The following MMP26 variants were observed in gnomAD, a reference collection of about 807,000 sequenced individuals.
The protein encoded by MMP26 is matrix metalloproteinase-26.
Under a neutral mutation model 31.0 loss-of-function variants are expected in MMP26, and 33 were observed. That is an observed-to-expected ratio of 1.06 (90% CI 0.81 to 1.42). The LOEUF (loss-of-function observed/expected upper bound fraction) is 1.42. Ranked by LOEUF, MMP26 falls within the 40% of genes most tolerant of loss-of-function variation. The probability of loss-of-function intolerance (pLI) is 0.00; values close to 1 mark genes in which losing one functional copy is unlikely to be tolerated. For synonymous variants in MMP26, 122 were observed against 114.9 expected, an observed-to-expected ratio of 1.06 and a Z score of -0.40; for missense variants, 347 against 316.1, an observed-to-expected ratio of 1.10 and a Z score of -0.74.
intron 1 of MMP26, among the ~76,000 whole-genome samples, chr11:4,766,039 C>G (rs567421487): frequency 6.6e-6 from 1 of 152,200 alleles, no homozygotes; most frequent in Non-Finnish European, 1.5e-5. Context: ...AATGTCCCTA[C>G]ATTGATGCAT....
At chr11:4,884,552 G>A (rs1366712412) in intron 2 of MMP26, among the ~76,000 whole-genome samples, 1 of 152,040 alleles carries the variant, frequency 6.6e-6, no homozygotes, top group Non-Finnish European at 1.5e-5. Context: ...TCATACTATG[G>A]CAGAGTCTCT....
intron 2 of MMP26, chr11:4,882,148 G>T (rs762957711): frequency 3.7e-6 from 6 of 1,613,766 alleles, no homozygotes; most frequent in South Asian, 1.1e-5. Context: ...TTCCCACTGT[G>T]CTTGGTGTTC....
intron 2 of MMP26, among the ~76,000 whole-genome samples, chr11:4,885,460 A>G (rs1366352223): frequency 6.6e-6 from 1 of 152,144 alleles, no homozygotes; most frequent in East Asian, 1.9e-4. Flanking sequence ...ACTGTATACA[A>G]AAACTAAAAC....
chr11:4,931,140 G>A (rs922019155), intron 2 of MMP26, among the ~76,000 whole-genome samples: 3 of 151,964 alleles, frequency 2.0e-5, no homozygotes, highest in Admixed American at 2.0e-4. Flanking sequence ...ATAAATGTTC[G>A]ATATCAGGAA....
At chr11:4,938,830 G>A (rs906047991) in intron 2 of MMP26, among the ~76,000 whole-genome samples, 1 of 151,856 alleles carries the variant, frequency 6.6e-6, no homozygotes, top group Non-Finnish European at 1.5e-5. Context: ...ATAATTACAT[G>A]ATCTTAGGGT....
In MMP26 at chr11:4,868,488, A is replaced by G. The variant is rs546750583; in HGVS notation, c.-145+101147A>G. On this transcript the variant is annotated intron_variant, in intron 2 of 7. Coordinates refer to ENST00000380390, the MANE Select transcript of MMP26 (RefSeq NM_021801.5). ...TCACAACTGCTTCAAAGAGAATAAA[A>G]TACCTAGGAATCCAACTTACAAGGG... 7.9e-5 allele frequency among the ~76,000 whole-genome samples: 12 copies of G among 152,322 alleles called. No homozygotes were observed. In the East Asian group the frequency reaches 2.3e-3, roughly 29 times the overall value.
At chr11:4,956,680 T>G (rs575732462) in intron 2 of MMP26, among the ~76,000 whole-genome samples, 1 of 152,304 alleles carries the variant, frequency 6.6e-6, no homozygotes, top group East Asian at 1.9e-4. Flanking sequence ...TCCTGAATCC[T>G]GGATCCATCT....
intron 2 of MMP26, among the ~76,000 whole-genome samples, chr11:4,920,871 A>C (rs1391858114): frequency 6.6e-6 from 1 of 152,254 alleles, no homozygotes; most frequent in East Asian, 1.9e-4. Context: ...ACTTTAATTC[A>C]GAAAATAAAG....
At chr11:4,792,223 T>C (rs1849037368) in intron 2 of MMP26, among the ~76,000 whole-genome samples, 1 of 150,164 alleles carries the variant, frequency 6.7e-6, no homozygotes, top group Admixed American at 6.6e-5. Context: ...TAACACAAAC[T>C]CACAGTTCAG....
At chr11:4,990,524 A>C in intron 4 of MMP26, 74 bp from the exon 5 acceptor site, 5 of 1,381,628 alleles carry the variant, frequency 3.6e-6, no homozygotes, top group Non-Finnish European at 3.9e-6. Flanking sequence ...TCCCCAAAGT[A>C]GAATTATTCA....
chr11:4,785,488 A>G (rs962299869), intron 2 of MMP26, among the ~76,000 whole-genome samples: 2 of 152,082 alleles, frequency 1.3e-5, no homozygotes, highest in Non-Finnish European at 2.9e-5. Flanking sequence ...AATTAACAGT[A>G]TTTTGTACCA....
At chr11:4,714,657 AG>A (rs1847902242) in intron 1 of MMP26, among the ~76,000 whole-genome samples, 1 of 152,204 alleles carries the variant, frequency 6.6e-6, no homozygotes, top group African/African-American at 2.4e-5. Context: ...GGCTAGCTCT[AG>A]GTGGCAGAGA....
At chr11:4,898,827 CTCTCTGTGTGTGTGTG>C (rs1230120439) in intron 2 of MMP26, among the ~76,000 whole-genome samples, 64 of 51,776 alleles carry the variant, frequency 1.2e-3, no homozygotes, top group African/African-American at 4.2e-3. Context: ...CTCTCTCTCT[CTCTCTGTGTGTGTGTG>C]TGTGTGTGTG....
chr11:4,734,574 C>T (rs76111850), intron 1 of MMP26, among the ~76,000 whole-genome samples: 1,771 of 152,168 alleles, frequency 0.012, 30 homozygotes, highest in African/African-American at 0.04. Flanking sequence ...GGTTTTGGTA[C>T]GCGGCGTCTT....
chr11:4,974,378 A>G (rs1289757662), intron 2 of MMP26, among the ~76,000 whole-genome samples: 1 of 148,840 alleles, frequency 6.7e-6, no homozygotes, highest in Non-Finnish European at 1.5e-5. Context: ...TCAAAAAAAA[A>G]TATATGTATA....
rs1191721083 is a variant in MMP26 at position 4,785,334 on chromosome 11, A to C, written c.-145+17993A>C. 2.6e-5 allele frequency among the ~76,000 whole-genome samples: 4 copies of C among 152,180 alleles called. No individual in the cohort carries two copies. The East Asian group carries it at 7.7e-4, about 29-fold the overall frequency. On this transcript the variant is annotated intron_variant, in intron 2 of 7. Transcript: ENST00000380390. ...ATCTTATTATATCAGCTTGAAGTTC[A>C]AGATCTTGTCCCCTAATTCATATCT... is the stretch of plus-strand genomic sequence containing the variant.
At chr11:4,826,106 C>A (rs1209328775) in intron 2 of MMP26, among the ~76,000 whole-genome samples, 2 of 152,058 alleles carry the variant, frequency 1.3e-5, no homozygotes, top group African/African-American at 2.4e-5. Context: ...GGTGAACTCA[C>A]AAAAGGGCCT....
chr11:4,971,852 A>T (rs1481606055), intron 2 of MMP26, among the ~76,000 whole-genome samples: 1 of 152,162 alleles, frequency 6.6e-6, no homozygotes, highest in Non-Finnish European at 1.5e-5. Context: ...AAGCAAGATA[A>T]AACGAAAGAG....
intron 2 of MMP26, among the ~76,000 whole-genome samples, chr11:4,968,791 A>T (rs949307815): frequency 6.6e-6 from 1 of 152,036 alleles, no homozygotes; most frequent in Non-Finnish European, 1.5e-5. Context: ...TATTTAGTCA[A>T]CTTGACCACA....
Sources: gnomAD v4.1 joint callset for allele counts (sites outside exome capture counted in the v4.1 genomes callset) on GRCh38, gnomAD v4.1.1 for gene constraint, MANE v1.5 for transcripts, NCBI Gene and HGNC (gene_info 2026-07-23, HGNC 2026-07-21) for gene names.